BAZ1A: variants seen among roughly 807,000 people sequenced by gnomAD.
BAZ1A encodes the protein bromodomain adjacent to zinc finger domain 1A, also known as bromodomain adjacent to zinc finger domain protein 1A.
BAZ1A carries 50 observed loss-of-function variants against 185.2 expected under a neutral mutation model. The ratio of observed to expected loss-of-function variants is 0.27; its 90% confidence interval spans 0.22 to 0.34. The LOEUF (loss-of-function observed/expected upper bound fraction) is 0.34. Among genes scored for constraint, BAZ1A ranks in the 10% least tolerant of loss-of-function variants. The pLI, the probability that BAZ1A is intolerant of heterozygous loss-of-function variation, is 1.00. For synonymous variants in BAZ1A, 571 were observed against 615.6 expected, an observed-to-expected ratio of 0.93 and a Z score of 1.07; for missense variants, 1,356 against 1,839.9, an observed-to-expected ratio of 0.74 and a Z score of 4.81.
intron 3 of BAZ1A, among the ~76,000 whole-genome samples, chr14:34,856,814 C>A (rs1409852105): frequency 6.5e-5 from 9 of 139,266 alleles, no homozygotes; most frequent in Admixed American, 7.7e-5. Flanking sequence ...GCCAAGATTG[C>A]GTCACTGCAC....
At chr14:34,825,252 G>A (rs978949728) in intron 4 of BAZ1A, among the ~76,000 whole-genome samples, 9 of 151,982 alleles carry the variant, frequency 5.9e-5, no homozygotes, top group African/African-American at 1.9e-4. Flanking sequence ...TCAGGAGTTC[G>A]AGACCAGCGT....
At chr14:34,811,872 C>T (rs1422619233) in intron 4 of BAZ1A, among the ~76,000 whole-genome samples, 1 of 151,910 alleles carries the variant, frequency 6.6e-6, no homozygotes, top group African/African-American at 2.4e-5. Flanking sequence ...CTATATAATC[C>T]AAGAATAAAA....
chr14:34,789,900 C>A (rs1892505418), intron 12 of BAZ1A, among the ~76,000 whole-genome samples: 1 of 152,180 alleles, frequency 6.6e-6, no homozygotes, highest in African/African-American at 2.4e-5. Context: ...ATTGCTTGAA[C>A]TTGTATCCCA....
rs1376782793 is a variant in BAZ1A at position 34,864,550 on chromosome 14, A to G, written c.114-2228T>C. On this transcript the variant is annotated intron_variant, in intron 2 of 26. Coordinates refer to ENST00000360310, the MANE Select transcript of BAZ1A (RefSeq NM_013448.3). The stretch of plus-strand genomic sequence containing the variant: ...GACTGGAGTGCAGTGGTGCGATCTC[A>G]GCTCACTGCAACCTCCGCCTCCCAG... Among the ~76,000 whole-genome samples, 5 of 152,000 alleles carry G rather than the reference A, an allele frequency of 3.3e-5. No homozygotes were observed. The South Asian group carries it at 8.3e-4, about 25-fold the overall frequency.
At chr14:34,872,047 G>A (rs142272470) in intron 2 of BAZ1A, among the ~76,000 whole-genome samples, 16 of 152,212 alleles carry the variant, frequency 1.1e-4, no homozygotes, top group Non-Finnish European at 1.9e-4. Flanking sequence ...TGATTAAATG[G>A]CAGTCTTCTT....
intron 3 of BAZ1A, among the ~76,000 whole-genome samples, chr14:34,839,271 C>T (rs1370801607): frequency 3.9e-5 from 6 of 152,046 alleles, no homozygotes; most frequent in Non-Finnish European, 7.4e-5. Context: ...CTTGGCCGGG[C>T]GCAGTGGCAC....
intron 15 of BAZ1A, 87 bp downstream of exon 15, chr14:34,783,675 C>T (rs1880205453): frequency 1.4e-6 from 2 of 1,478,226 alleles, no homozygotes; most frequent in Middle Eastern, 3.6e-4. Context: ...ATAATGAATG[C>T]CACATTATAG....
At chr14:34,819,854 CTCT>C (rs2042060366) in intron 4 of BAZ1A, among the ~76,000 whole-genome samples, 1 of 152,000 alleles carries the variant, frequency 6.6e-6, no homozygotes, top group East Asian at 1.9e-4. Context: ...CCAAACTGTC[CTCT>C]TAAGTGGCTA....
At chr14:34,865,625 C>A (rs2042845343) in intron 2 of BAZ1A, among the ~76,000 whole-genome samples, 1 of 151,954 alleles carries the variant, frequency 6.6e-6, no homozygotes, top group Non-Finnish European at 1.5e-5. Context: ...CTAATCATAC[C>A]TTAACTTAAA....
At chr14:34,782,278 G>C (rs933090211) in intron 16 of BAZ1A, among the ~76,000 whole-genome samples, 3 of 152,244 alleles carry the variant, frequency 2.0e-5, no homozygotes, top group Non-Finnish European at 4.4e-5. Context: ...GGTGTGAAGT[G>C]GTATCTTACT....
intron 2 of BAZ1A, among the ~76,000 whole-genome samples, chr14:34,871,512 A>G (rs2042947916): frequency 6.6e-6 from 1 of 152,272 alleles, no homozygotes; most frequent in South Asian, 2.1e-4. Flanking sequence ...CTTCTGCTAC[A>G]TAATCACTGA....
At chr14:34,855,986 A>T (rs908979515) in intron 3 of BAZ1A, among the ~76,000 whole-genome samples, 3 of 152,238 alleles carry the variant, frequency 2.0e-5, no homozygotes, top group African/African-American at 7.2e-5. Flanking sequence ...GAACAGAAAC[A>T]TACTTGTAGC....
intron 9 of BAZ1A, among the ~76,000 whole-genome samples, chr14:34,799,061 A>G (rs1197569329): frequency 1.3e-5 from 2 of 152,200 alleles, no homozygotes; most frequent in East Asian, 3.9e-4. Context: ...GCCACAAAAA[A>G]GGATGAGTTC....
chr14:34,836,054 T>A lies in BAZ1A; in HGVS notation c.393-9898A>T, dbSNP rs150683422. Reference sequence around the variant, plus strand: ...TTTAGTAGCCATTTAAATTTATATCTCAAAAATTCAATGGACCAAAAGCAA... The same window carrying A: ...TTTAGTAGCCATTTAAATTTATATCACAAAAATTCAATGGACCAAAAGCAA... On this transcript the variant is annotated intron_variant, in intron 3 of 26. Transcript: ENST00000360310. Among the ~76,000 whole-genome samples, 390 of 151,706 alleles carry A rather than the reference T, an allele frequency of 2.6e-3. 17 individuals are homozygous for A. Among genetic ancestry groups the A allele is most frequent in the African/African-American group, 9.1e-3 (376 of 41,160 alleles).
chr14:34,768,733 C>T (rs1244966692), intron 21 of BAZ1A: 7 of 395,830 alleles, frequency 1.8e-5, no homozygotes, highest in African/African-American at 2.1e-5. Flanking sequence ...TTTTCTTGTC[C>T]TTTTTTTTTT....
chr14:34,824,916 T>A (rs940786136), intron 4 of BAZ1A, among the ~76,000 whole-genome samples: 2 of 152,080 alleles, frequency 1.3e-5, no homozygotes, highest in African/African-American at 4.8e-5. Flanking sequence ...GAAATAACGA[T>A]TTAGAATAGT....
At chr14:34,782,197 A>G (rs1356980993) in intron 16 of BAZ1A, among the ~76,000 whole-genome samples, 1 of 152,234 alleles carries the variant, frequency 6.6e-6, no homozygotes, top group Admixed American at 6.5e-5. Context: ...GCAATGTATG[A>G]GAGTCCTGAT....
rs551441079 is a variant in BAZ1A, at chr14:34,761,455, G to A, written c.4243+302C>T. 2.6e-5 allele frequency among the ~76,000 whole-genome samples: 4 copies of A among 152,296 alleles called. No individual in the cohort carries two copies. In the East Asian group the frequency reaches 5.8e-4, roughly 22 times the overall value. On this transcript the variant is annotated intron_variant, in intron 24 of 26. Coordinates refer to ENST00000360310, the MANE Select transcript of BAZ1A (RefSeq NM_013448.3). The stretch of plus-strand genomic sequence containing the variant: ...TTGAGGGAGGAAAAGGTGGGAGAGA[G>A]TGAAATGTGTTATAATGTAGTATCC...
chr14:34,821,618 C>T (rs535468656), intron 4 of BAZ1A, among the ~76,000 whole-genome samples: 5 of 152,218 alleles, frequency 3.3e-5, no homozygotes, highest in Non-Finnish European at 7.3e-5. Flanking sequence ...TAGCAATCCA[C>T]AAACAAGTAC....
Sources: gnomAD v4.1 joint callset for allele counts (sites outside exome capture counted in the v4.1 genomes callset) on GRCh38, gnomAD v4.1.1 for gene constraint, MANE v1.5 for transcripts, NCBI Gene and HGNC (gene_info 2026-07-23, HGNC 2026-07-21) for gene names.